Variants in NCALD observed in about 807,000 individuals in gnomAD.
NCALD encodes the protein neurocalcin delta.
Under a neutral mutation model 18.6 loss-of-function variants are expected in NCALD, and 10 were observed. The observed-to-expected ratio is 0.54, with a 90% CI of 0.33 to 0.91. The LOEUF (loss-of-function observed/expected upper bound fraction) is 0.91, where lower values mean the gene tolerates loss of function less well. Among genes scored for constraint, NCALD ranks in the 40% least tolerant of loss-of-function variants. The pLI is 0.03. For missense variants in NCALD, 184 were observed against 247.6 expected, an observed-to-expected ratio of 0.74 and a Z score of 1.72; for synonymous variants, 88 against 87.4, an observed-to-expected ratio of 1.01 and a Z score of -0.04.
chr8:101,888,058 A>G (rs150593581), intron 3 of NCALD, among the ~76,000 whole-genome samples: 6 of 152,310 alleles, frequency 3.9e-5, no homozygotes, highest in African/African-American at 1.2e-4. Flanking sequence ...TTCTGAGGTC[A>G]TTCTGAGGGC....
At chr8:101,697,305 A>G (rs1656592517) in intron 2 of NCALD, among the ~76,000 whole-genome samples, 1 of 152,230 alleles carries the variant, frequency 6.6e-6, no homozygotes, top group Admixed American at 6.5e-5. Flanking sequence ...AGTAATTAAT[A>G]GCCTACCAAC....
At chr8:101,933,318 T>A (rs1212611723) in intron 2 of NCALD, among the ~76,000 whole-genome samples, 1 of 151,928 alleles carries the variant, frequency 6.6e-6, no homozygotes, top group African/African-American at 2.4e-5. Flanking sequence ...GCCATCAGAG[T>A]CAGGGGAGAA....
At chr8:101,828,110 C>T (rs1230368162) in intron 4 of NCALD, among the ~76,000 whole-genome samples, 2 of 152,326 alleles carry the variant, frequency 1.3e-5, no homozygotes, top group East Asian at 3.9e-4. Flanking sequence ...ACCTTGATCC[C>T]TGCCCTGTCT....
At chr8:102,067,862 T>A (rs1824058428) in intron 1 of NCALD, among the ~76,000 whole-genome samples, 1 of 152,172 alleles carries the variant, frequency 6.6e-6, no homozygotes, top group African/African-American at 2.4e-5. Context: ...AGCCCTGTTT[T>A]TCCTGCCCTT....
At chr8:101,923,296 GA>G (rs1375087492) in intron 2 of NCALD, among the ~76,000 whole-genome samples, 2 of 152,292 alleles carry the variant, frequency 1.3e-5, no homozygotes, top group African/African-American at 4.8e-5. Flanking sequence ...ATAGCAGCAT[GA>G]AAAGACTAAG....
At chr8:101,786,511 G>T (rs151315660) in intron 1 of NCALD, among the ~76,000 whole-genome samples, 1 of 152,106 alleles carries the variant, frequency 6.6e-6, no homozygotes, top group African/African-American at 2.4e-5. Context: ...AAATATGGTC[G>T]TCACAAACCT....
intron 1 of NCALD, among the ~76,000 whole-genome samples, chr8:102,050,306 T>G (rs779168004): frequency 6.6e-6 from 1 of 151,972 alleles, no homozygotes; most frequent in Non-Finnish European, 1.5e-5. Context: ...TAACTTGTCT[T>G]TTCATTCTCT....
At chr8:101,935,598 T>C (rs1418158241) in intron 2 of NCALD, among the ~76,000 whole-genome samples, 2 of 152,032 alleles carry the variant, frequency 1.3e-5, no homozygotes, top group East Asian at 3.8e-4. Flanking sequence ...CATTGGAGTT[T>C]GGTAATGTCA....
At chr8:101,838,969 C>T (rs1187648784) in intron 4 of NCALD, among the ~76,000 whole-genome samples, 1 of 152,222 alleles carries the variant, frequency 6.6e-6, no homozygotes, top group African/African-American at 2.4e-5. Flanking sequence ...TATGTTTCAA[C>T]TACCCATGTT....
At chr8:101,939,732 T>C (rs562598020) in intron 2 of NCALD, among the ~76,000 whole-genome samples, 1 of 152,352 alleles carries the variant, frequency 6.6e-6, no homozygotes, top group Non-Finnish European at 1.5e-5. Context: ...AACAGTCACA[T>C]TGCATTGACA....
intron 1 of NCALD, among the ~76,000 whole-genome samples, chr8:101,761,101 A>T (rs1395803426): frequency 6.6e-6 from 1 of 152,058 alleles, no homozygotes. Context: ...CTTATGGACT[A>T]GAGAGAACAA....
At chr8:101,761,156 C>T (rs28396908) in intron 1 of NCALD, among the ~76,000 whole-genome samples, 3,910 of 152,174 alleles carry the variant, frequency 0.026, 174 homozygotes, top group African/African-American at 0.09. Flanking sequence ...AGCCTGAGAT[C>T]CTGGTTCCCA....
chr8:101,844,006 T>C (rs1351163482), intron 4 of NCALD, among the ~76,000 whole-genome samples: 2 of 152,256 alleles, frequency 1.3e-5, no homozygotes, highest in Admixed American at 6.5e-5. Context: ...ACATTTGCCA[T>C]ACTGGCTTGC....
chr8:101,690,656 A>C (rs1239983451), intron 3 of NCALD: 1 of 985,310 alleles, frequency 1.0e-6, no homozygotes. Context: ...TGTTTAATGA[A>C]ACCCACTTTA....
chr8:101,805,186 G>C (rs981574227), intron 4 of NCALD, among the ~76,000 whole-genome samples: 2 of 152,156 alleles, frequency 1.3e-5, no homozygotes, highest in African/African-American at 4.8e-5. Context: ...AACTCTGAAA[G>C]AACACTGAGG....
chr8:101,811,487 C>T (rs1284957142), intron 4 of NCALD, among the ~76,000 whole-genome samples: 2 of 152,174 alleles, frequency 1.3e-5, no homozygotes, highest in East Asian at 3.8e-4. Flanking sequence ...TACTGTAATA[C>T]ACTAAATTTG....
At chr8:101,986,057 G>A (rs542262428) in intron 2 of NCALD, among the ~76,000 whole-genome samples, 1 of 146,930 alleles carries the variant, frequency 6.8e-6, no homozygotes, top group South Asian at 2.2e-4. Flanking sequence ...CTATTTTTTT[G>A]AGACAGAGTA....
chr8:102,085,270 A>G (rs1824698852), intron 1 of NCALD, among the ~76,000 whole-genome samples: 1 of 152,180 alleles, frequency 6.6e-6, no homozygotes, highest in African/African-American at 2.4e-5. Flanking sequence ...CTGCCACCCA[A>G]TTGTGAAACA....
chr8:101,992,620 G>A (rs1046451659), intron 2 of NCALD, among the ~76,000 whole-genome samples: 2 of 152,136 alleles, frequency 1.3e-5, no homozygotes, highest in Admixed American at 6.5e-5. Context: ...TTATAAACGG[G>A]AATAATAATG....
Sources: allele counts gnomAD v4.1 joint callset (sites outside exome capture counted in the v4.1 genomes callset), GRCh38; gene constraint gnomAD v4.1.1; transcripts MANE v1.5; gene names NCBI Gene and HGNC (gene_info 2026-07-23, HGNC 2026-07-21).